SNX6: variants seen among roughly 807,000 people sequenced by gnomAD.
SNX6 encodes sorting nexin-6.
A neutral mutation model predicts 63.0 loss-of-function variants in SNX6; 34 were observed. The ratio of observed to expected loss-of-function variants is 0.54; its 90% confidence interval spans 0.41 to 0.72. The LOEUF (loss-of-function observed/expected upper bound fraction) is 0.72, where lower values mean the gene tolerates loss of function less well. Ranked by LOEUF, SNX6 falls within the 30% of genes least tolerant of loss-of-function variation. The pLI is 0.00. For synonymous variants in SNX6, 170 were observed against 164.2 expected, an observed-to-expected ratio of 1.04 and a Z score of -0.27; for missense variants, 398 against 471.4, an observed-to-expected ratio of 0.84 and a Z score of 1.44.
intron 2 of SNX6, among the ~76,000 whole-genome samples, chr14:34,616,727 T>G (rs1883432375): frequency 6.6e-6 from 1 of 152,044 alleles, no homozygotes; most frequent in Non-Finnish European, 1.5e-5. Context: ...AAGTCAATCA[T>G]TTTAGAGGGT....
intron 8 of SNX6, among the ~76,000 whole-genome samples, chr14:34,586,723 T>C (rs941720148): frequency 3.3e-5 from 4 of 120,200 alleles, no homozygotes; most frequent in Non-Finnish European, 7.0e-5. Context: ...AAAAAACAAA[T>C]TGGAGGTCGG....
chr14:34,613,463 C>G (rs547381708), intron 2 of SNX6, among the ~76,000 whole-genome samples: 1 of 152,150 alleles, frequency 6.6e-6, no homozygotes. Flanking sequence ...ATTTCCAAAA[C>G]ACACCTAATA....
chr14:34,562,195 C>T lies in SNX6; in HGVS notation c.*927G>A, dbSNP rs1364841097. 1 of 151,864 alleles carries T rather than the reference C, an allele frequency of 6.6e-6. No individual in the cohort carries two copies. The highest frequency in any genetic ancestry group is 1.9e-4 in the East Asian group (1 of 5,188). The allele number at this position is 151,864 out of a possible 1,614,324, so 9.4% of individuals were successfully genotyped here. ...TATGTCTCATGCTTAATTGGCTGAGCTAGGCGCGGAATCCGGGAAACCACA... is the reference window on the plus strand; with the variant it reads ...TATGTCTCATGCTTAATTGGCTGAGTTAGGCGCGGAATCCGGGAAACCACA... On this transcript the variant is annotated 3_prime_UTR_variant, in exon 14 of 14. Transcript: ENST00000362031.
At chr14:34,596,397 G>A (rs1481459399) in intron 7 of SNX6, among the ~76,000 whole-genome samples, 1 of 151,736 alleles carries the variant, frequency 6.6e-6, no homozygotes, top group Non-Finnish European at 1.5e-5. Flanking sequence ...GAGGCAGACA[G>A]ATCACGAGGT....
chr14:34,589,806 A>G (rs959360648), intron 8 of SNX6, among the ~76,000 whole-genome samples: 1 of 151,780 alleles, frequency 6.6e-6, no homozygotes, highest in African/African-American at 2.4e-5. Context: ...GCCTGGATAG[A>G]CAGAGAGAGA....
chr14:34,607,142 T>C (rs1228073786), intron 4 of SNX6, among the ~76,000 whole-genome samples: 1 of 152,132 alleles, frequency 6.6e-6, no homozygotes, highest in East Asian at 1.9e-4. Flanking sequence ...CAAGCCCATT[T>C]CAATTCTAAC....
intron 5 of SNX6, 149 bp from the exon 6 acceptor site, chr14:34,603,620 G>C: frequency 1.7e-6 from 1 of 603,840 alleles, no homozygotes; most frequent in African/African-American, 1.9e-5. Context: ...GTTTTTAGTT[G>C]AACTGTTAAT....
At chr14:34,593,219 CATT>C (rs1396242818) in intron 7 of SNX6, 69 bp from the exon 8 acceptor site, 7 of 893,668 alleles carry the variant, frequency 7.8e-6, no homozygotes, top group African/African-American at 1.7e-5. Context: ...AAATAACTAT[CATT>C]ATAAATATAA....
chr14:34,576,070 C>T (rs1209720762), intron 10 of SNX6, among the ~76,000 whole-genome samples: 3 of 151,328 alleles, frequency 2.0e-5, no homozygotes, highest in African/African-American at 4.9e-5. Context: ...ACTACAGGCG[C>T]CCGCCACCAC....
intron 3 of SNX6, among the ~76,000 whole-genome samples, 181 bp downstream of exon 3, chr14:34,609,457 G>C (rs992736159): frequency 2.4e-4 from 34 of 139,058 alleles, no homozygotes; most frequent in African/African-American, 8.8e-4. Context: ...CTCCAGCCTG[G>C]GCGACAGAGC....
intron 4 of SNX6, among the ~76,000 whole-genome samples, chr14:34,606,453 CTTT>C (rs56390466): frequency 7.1e-6 from 1 of 141,650 alleles, no homozygotes; most frequent in South Asian, 2.3e-4. Context: ...TCCAACTCTT[CTTT>C]TTTTTTTTTT....
At position 34,577,187 on chromosome 14, in the gene SNX6, A is replaced by G. The variant is rs565316755; in HGVS notation, c.835-1345T>C. 7.3e-4 allele frequency among the ~76,000 whole-genome samples: 111 copies of G among 152,166 alleles called. 1 individual carries two copies. Among genetic ancestry groups the G allele is most frequent in the African/African-American group, 2.4e-3 (100 of 41,526 alleles). ...AACCTCGGCCTCCTGGGTTCAAGCG[A>G]TTCTCCTGCCTCAGCCTCCCTAGTA... On this transcript the variant is annotated intron_variant, in intron 10 of 13. Transcript: ENST00000362031.
Position 34,593,159 on chromosome 14 carries a change from T to C in SNX6, c.613-9A>G. On this transcript the variant is annotated splice_polypyrimidine_tract_variant and intron_variant, in intron 7 of 13. Coordinates refer to ENST00000362031, the MANE Select transcript of SNX6 (RefSeq NM_152233.4). Reference sequence around the variant, plus strand: ...AAGAAATCATCTACATCCTATAAGATCAAAAGAAAATATAAACTTTTTTCA... The same window carrying C: ...AAGAAATCATCTACATCCTATAAGACCAAAAGAAAATATAAACTTTTTTCA... The C allele has an allele frequency of 6.5e-7, 1 of 1,532,786 alleles. No homozygotes were observed. The highest frequency in any genetic ancestry group is 8.8e-7 in the Non-Finnish European group (1 of 1,130,388). The allele number at this position is 1,532,786 out of a possible 1,614,324, so 94.9% of individuals were successfully genotyped here. A position where few individuals can be genotyped will look rare whatever the true frequency, so the allele number is the denominator to read the frequency against.
chr14:34,600,693 C>G (rs1259336671), intron 6 of SNX6, among the ~76,000 whole-genome samples: 1 of 152,108 alleles, frequency 6.6e-6, no homozygotes, highest in Non-Finnish European at 1.5e-5. Flanking sequence ...TTGTATCAGT[C>G]ATTCAGTAAA....
At chr14:34,580,155 C>T (rs889900359) in intron 10 of SNX6, among the ~76,000 whole-genome samples, 2 of 152,102 alleles carry the variant, frequency 1.3e-5, no homozygotes, top group African/African-American at 2.4e-5. Flanking sequence ...CTCCAGCCTC[C>T]GGCCTGGGTG....
At chr14:34,601,166 G>C (rs1051891824) in intron 6 of SNX6, among the ~76,000 whole-genome samples, 7 of 151,870 alleles carry the variant, frequency 4.6e-5, no homozygotes, top group African/African-American at 1.7e-4. Context: ...CAAGGCTTCG[G>C]AAGACTCCAA....
At chr14:34,571,080 A>G (rs1400189578) in intron 11 of SNX6, among the ~76,000 whole-genome samples, 1 of 151,776 alleles carries the variant, frequency 6.6e-6, no homozygotes, top group African/African-American at 2.4e-5. Context: ...AAATTGTGTT[A>G]CATCCAGACA....
rs527781235 is a variant in SNX6 at position 34,564,030 on chromosome 14, C to G, written c.1168-855G>C. The stretch of plus-strand genomic sequence containing the variant: ...CTGTGATTACAGGCGTGAGCCACTG[C>G]GCTGGCCTTTGTTTTGAGACAGAGT... On this transcript the variant is annotated intron_variant, in intron 13 of 13. Transcript: ENST00000362031. Among the ~76,000 whole-genome samples the G allele has an allele frequency of 2.3e-4, 35 of 152,118 alleles. 1 individual carries two copies. Among genetic ancestry groups the G allele is most frequent in the Admixed American group, 2.2e-3 (34 of 15,244 alleles).
chr14:34,577,616 C>T (rs1019363159), intron 10 of SNX6, among the ~76,000 whole-genome samples: 11 of 152,142 alleles, frequency 7.2e-5, no homozygotes, highest in Middle Eastern at 6.8e-3. Context: ...AAAGATAGCT[C>T]TTCAGTATGA....
Sources: allele counts gnomAD v4.1 joint callset (sites outside exome capture counted in the v4.1 genomes callset), GRCh38; gene constraint gnomAD v4.1.1; transcripts MANE v1.5; gene names NCBI Gene and HGNC (gene_info 2026-07-23, HGNC 2026-07-21).